ROBO2: variants seen among roughly 807,000 people sequenced by gnomAD.
ROBO2 encodes roundabout guidance receptor 2.
ROBO2 carries 53 observed loss-of-function variants against 160.8 expected under a neutral mutation model. The ratio of observed to expected loss-of-function variants is 0.33; its 90% CI spans 0.26 to 0.41. ROBO2 has a LOEUF of 0.41. Ranked by LOEUF, ROBO2 falls within the 10% of genes least tolerant of loss-of-function variation. The pLI is 1.00. For synonymous variants in ROBO2, 664 were observed against 611.7 expected (o/e 1.09, Z -1.26); for missense variants, 1,577 against 1,722.4 (o/e 0.92, Z 1.49).
chr3:76,369,083 G>A (rs1208132739), intron 2 of ROBO2, among the ~76,000 whole-genome samples: 1 of 151,972 alleles, frequency 6.6e-6, no homozygotes, highest in South Asian at 2.1e-4. Flanking sequence ...AGAGTACTAT[G>A]TAAGCAGTGT....
chr3:77,150,795 G>A (rs1286088675), intron 2 of ROBO2, among the ~76,000 whole-genome samples: 1 of 151,752 alleles, frequency 6.6e-6, no homozygotes, highest in Admixed American at 6.6e-5. Flanking sequence ...AAGACAATTT[G>A]GTTGTGTATT....
At chr3:76,214,581 A>G (rs1471221239) in intron 2 of ROBO2, among the ~76,000 whole-genome samples, 2 of 152,164 alleles carry the variant, frequency 1.3e-5, no homozygotes, top group East Asian at 3.9e-4. Context: ...CAGCAGTCTG[A>G]GATCGAACTG....
At chr3:76,704,751 A>G (rs575822466) in intron 2 of ROBO2, among the ~76,000 whole-genome samples, 2 of 152,186 alleles carry the variant, frequency 1.3e-5, no homozygotes, top group East Asian at 3.9e-4. Flanking sequence ...GGGTATACAC[A>G]CTTATTCTTG....
chr3:76,937,780 G>A (rs559170632), intron 2 of ROBO2, among the ~76,000 whole-genome samples: 1 of 152,202 alleles, frequency 6.6e-6, no homozygotes, highest in East Asian at 1.9e-4. Context: ...CAACTTTGTG[G>A]ATGTAATAGT....
At chr3:77,396,177 A>G (rs1217628763) in intron 2 of ROBO2, among the ~76,000 whole-genome samples, 1 of 152,014 alleles carries the variant, frequency 6.6e-6, no homozygotes, top group African/African-American at 2.4e-5. Flanking sequence ...TTTCTAGGTT[A>G]CTATTTGTTT....
intron 2 of ROBO2, among the ~76,000 whole-genome samples, chr3:76,436,226 G>T (rs770822562): frequency 4.5e-4 from 61 of 134,468 alleles, no homozygotes; most frequent in Non-Finnish European, 7.2e-4. Context: ...TATACTTTAA[G>T]TTTTAGGGTA....
intron 2 of ROBO2, among the ~76,000 whole-genome samples, chr3:76,038,507 C>A (rs2067184520): frequency 6.6e-6 from 1 of 151,862 alleles, no homozygotes; most frequent in Non-Finnish European, 1.5e-5. Flanking sequence ...CATGACTGAT[C>A]AATATAGGGT....
chr3:76,043,057 G>A (rs866786732), intron 2 of ROBO2, among the ~76,000 whole-genome samples: 11 of 151,976 alleles, frequency 7.2e-5, no homozygotes, highest in Admixed American at 2.6e-4. Context: ...CTGAGTCTTG[G>A]AAAGGAAAGG....
At chr3:77,295,342 A>C (rs1306298302) in intron 2 of ROBO2, among the ~76,000 whole-genome samples, 3 of 149,336 alleles carry the variant, frequency 2.0e-5, no homozygotes, top group African/African-American at 5.0e-5. Context: ...TAGATCACCA[A>C]AGACATAAAG....
chr3:77,044,878 G>A (rs562700886), intron 1 of ROBO2, among the ~76,000 whole-genome samples: 1 of 152,260 alleles, frequency 6.6e-6, no homozygotes, highest in African/African-American at 2.4e-5. Context: ...AAGTATTGCT[G>A]TATTTCTTAA....
intron 2 of ROBO2, among the ~76,000 whole-genome samples, chr3:76,763,301 G>T (rs1335599840): frequency 6.6e-6 from 1 of 151,632 alleles, no homozygotes; most frequent in African/African-American, 2.4e-5. Flanking sequence ...GGCTCAAAGT[G>T]AAATAATGTA....
At chr3:77,167,694 T>A (rs1579579428) in intron 2 of ROBO2, among the ~76,000 whole-genome samples, 1 of 152,236 alleles carries the variant, frequency 6.6e-6, no homozygotes, top group Admixed American at 6.5e-5. Flanking sequence ...TTAAAAAACA[T>A]TGTATCTTGT....
At chr3:76,949,576 C>T (rs916758358) in intron 2 of ROBO2, among the ~76,000 whole-genome samples, 1 of 152,268 alleles carries the variant, frequency 6.6e-6, no homozygotes, top group East Asian at 1.9e-4. Flanking sequence ...CCGGTGTCCA[C>T]GTCCGACCGG....
chr3:76,756,560 A>G (rs2060982595), intron 2 of ROBO2, among the ~76,000 whole-genome samples: 1 of 151,920 alleles, frequency 6.6e-6, no homozygotes, highest in South Asian at 2.1e-4. Context: ...TTGGAAGATC[A>G]AAAGGAAAAT....
At chr3:77,231,363 CAAA>C (rs60535204) in intron 2 of ROBO2, among the ~76,000 whole-genome samples, 2 of 59,668 alleles carry the variant, frequency 3.4e-5, no homozygotes, top group African/African-American at 6.9e-5. Context: ...AGACTCCATC[CAAA>C]AAAAAAAAAA....
chr3:76,098,710 A>G (rs1359884836), intron 2 of ROBO2, among the ~76,000 whole-genome samples: 1 of 152,186 alleles, frequency 6.6e-6, no homozygotes, highest in Non-Finnish European at 1.5e-5. Flanking sequence ...GGCTCTTAAC[A>G]AAGTAAACAT....
chr3:76,169,940 G>A (rs867849534), intron 2 of ROBO2, among the ~76,000 whole-genome samples: 11 of 151,916 alleles, frequency 7.2e-5, no homozygotes, highest in South Asian at 4.2e-4. Flanking sequence ...GCCACCATGC[G>A]TGGCTAATTT....
chr3:76,716,829 A>G (rs2093387663), intron 2 of ROBO2, among the ~76,000 whole-genome samples: 1 of 152,190 alleles, frequency 6.6e-6, no homozygotes, highest in Admixed American at 6.6e-5. Context: ...GCCAGTGGCA[A>G]GCTCTGCCCC....
At position 76,281,182 on chromosome 3, in the gene ROBO2, A is replaced by G. The variant is rs531953616; in HGVS notation, c.109+343580A>G. 4.6e-5 allele frequency among the ~76,000 whole-genome samples: 7 copies of G among 151,862 alleles called. No individual in the cohort carries two copies. In the East Asian group the frequency reaches 1.4e-3, roughly 30 times the overall value. On this transcript the variant is annotated intron_variant, in intron 2 of 26. Coordinates refer to the ROBO2 transcript ENST00000487694. ...GCTATGCCAATCCACATGTGGGAAT[A>G]CTACCAATTCCCACATGTGGGAAAA...
Sources: gnomAD v4.1 joint callset for allele counts (sites outside exome capture counted in the v4.1 genomes callset) on GRCh38, gnomAD v4.1.1 for gene constraint, MANE v1.5 for transcripts, NCBI Gene and HGNC (gene_info 2026-07-23, HGNC 2026-07-21) for gene names.